Variants in CACNA1C observed in about 807,000 individuals in gnomAD.
CACNA1C encodes voltage-dependent L-type calcium channel subunit alpha-1C.
CACNA1C carries 30 observed loss-of-function variants against 229.0 expected under a neutral mutation model. The observed-to-expected ratio is 0.13, with a 90% CI of 0.10 to 0.18. The LOEUF is 0.18. Ranked by LOEUF, CACNA1C falls within the 10% of genes least tolerant of loss-of-function variation. The probability of loss-of-function intolerance (pLI) is 1.00; values close to 1 mark genes in which losing one functional copy is unlikely to be tolerated. For missense variants in CACNA1C, 1,658 were observed against 2,845.0 expected (o/e 0.58, Z 9.49); for synonymous variants, 1,114 against 1,132.5 (o/e 0.98, Z 0.33).
chr12:2,621,187 G>A (rs1163081035), intron 29 of CACNA1C, among the ~76,000 whole-genome samples: 1 of 152,214 alleles, frequency 6.6e-6, no homozygotes, highest in Non-Finnish European at 1.5e-5. Context: ...GGCTCACAGA[G>A]TAGTGCGGGA....
chr12:2,416,673 G>C (rs1343041259), intron 3 of CACNA1C, among the ~76,000 whole-genome samples: 5 of 152,214 alleles, frequency 3.3e-5, no homozygotes, highest in African/African-American at 1.2e-4. Flanking sequence ...GGTGACAATT[G>C]GGACTCCACC....
At chr12:2,581,542 G>T in intron 13 of CACNA1C, 48 bp from the exon 14 acceptor site, 1 of 1,496,888 alleles carries the variant, frequency 6.7e-7, no homozygotes, top group Non-Finnish European at 9.0e-7. Context: ...GCACGATGGG[G>T]AGGACAGCAA....
At chr12:2,610,084 C>T (rs1008173143) in intron 27 of CACNA1C, among the ~76,000 whole-genome samples, 3 of 152,162 alleles carry the variant, frequency 2.0e-5, no homozygotes, top group African/African-American at 7.2e-5. Context: ...AAGATCACAC[C>T]ACTGCACTCC....
intron 3 of CACNA1C, among the ~76,000 whole-genome samples, chr12:2,340,198 C>G: frequency 6.6e-6 from 1 of 152,172 alleles, no homozygotes; most frequent in East Asian, 1.9e-4. Context: ...TACATAATAA[C>G]ATATATATGT....
intron 3 of CACNA1C, among the ~76,000 whole-genome samples, chr12:2,334,329 GAA>G (rs2096631353): frequency 1.3e-5 from 2 of 152,196 alleles, no homozygotes; most frequent in African/African-American, 2.4e-5. Context: ...TGAGGAGAGA[GAA>G]AGCCAGGGAA....
At chr12:2,457,514 T>C (rs2099442140) in intron 4 of CACNA1C, 53 bp from the exon 5 acceptor site, 1 of 1,574,652 alleles carries the variant, frequency 6.4e-7, no homozygotes, top group Non-Finnish European at 8.6e-7. Context: ...GAGCCCCAGC[T>C]GGGCAAAAGA....
chr12:2,308,995 A>G (rs914378421), intron 3 of CACNA1C, among the ~76,000 whole-genome samples: 1 of 152,216 alleles, frequency 6.6e-6, no homozygotes, highest in Non-Finnish European at 1.5e-5. Flanking sequence ...TTCTGGGTGT[A>G]TATCTAAAGG....
chr12:2,511,773 C>T lies in CACNA1C; in HGVS notation c.1218-1039C>T, dbSNP rs753505720. 5.4e-4 allele frequency among the ~76,000 whole-genome samples: 82 copies of T among 151,932 alleles called. 1 individual carries two copies. Among genetic ancestry groups the T allele is most frequent in the Non-Finnish European group, 9.6e-4 (65 of 67,992 alleles). The stretch of plus-strand genomic sequence containing the variant: ...CTCCTCCTTGCTCAGAAAGTGAATT[C>T]GAAGTCAGAGAGAAAATTAGGACAG... On this transcript the variant is annotated intron_variant, in intron 8 of 46. Transcript: ENST00000399655.
At position 2,610,673 on chromosome 12, in the gene CACNA1C, C is replaced by T. The variant is rs766971426; in HGVS notation, c.3691C>T (p.Leu1231Phe). 4 of 1,614,262 alleles carry T rather than the reference C, an allele frequency of 2.5e-6. No individual in the cohort carries two copies. In the South Asian group the frequency reaches 4.4e-5, roughly 18 times the overall value. Residue 1231 changes from leucine (L) to phenylalanine (F), a missense_variant, in exon 28 of 47, where the codon CTC becomes TTC. Transcript: ENST00000399655. Reference sequence around the variant, plus strand: ...GTACCTGATGTTCGTCCTCATCCTGCTCAACACCATCTGCCTGGCCATGCA... The same window carrying T: ...GTACCTGATGTTCGTCCTCATCCTGTTCAACACCATCTGCCTGGCCATGCA... ...FEYLMFVLIL[L>F]NTICLAMQHY...
intron 9 of CACNA1C, among the ~76,000 whole-genome samples, chr12:2,522,582 G>A (rs992439564): frequency 1.3e-5 from 2 of 152,162 alleles, no homozygotes; most frequent in Non-Finnish European, 2.9e-5. Flanking sequence ...AGAGAAAGCC[G>A]GGAGTCGACA....
chr12:2,067,161 C>A lies in CACNA1C; in HGVS notation c.49+13550C>A, dbSNP rs150409912. On this transcript the variant is annotated intron_variant, in intron 1 of 46. Coordinates refer to ENST00000399655, the MANE Select transcript of CACNA1C (RefSeq NM_000719.7). This position sits in a 1 kb window ranked among gnomAD's most constrained non-coding sequence, Gnocchi z 5.3. ...CAAAGGGTTCTAGCTCTGTAGGAGG[C>A]GTGCCAAGCTCGAGCTGGTGTGGGA... Among the ~76,000 whole-genome samples the A allele has an allele frequency of 8.2e-3, 1,252 of 152,132 alleles. 13 individuals carry two copies. Among genetic ancestry groups the A allele is most frequent in the African/African-American group, 0.029 (1,197 of 41,486 alleles).
chr12:2,365,007 A>G (rs1368662115), intron 3 of CACNA1C, among the ~76,000 whole-genome samples: 3 of 152,258 alleles, frequency 2.0e-5, no homozygotes, highest in Non-Finnish European at 4.4e-5. Flanking sequence ...CCTACAGGCT[A>G]GAAACAGAAC....
chr12:2,314,176 T>G (rs1196835145), intron 3 of CACNA1C, among the ~76,000 whole-genome samples: 2 of 152,180 alleles, frequency 1.3e-5, no homozygotes, highest in African/African-American at 4.8e-5. Context: ...GCTTGCAGCC[T>G]TCTAGGCTGG....
chr12:2,025,610 G>C (rs1230070888), intron 1 of CACNA1C, among the ~76,000 whole-genome samples: 1 of 152,124 alleles, frequency 6.6e-6, no homozygotes, highest in Non-Finnish European at 1.5e-5. Flanking sequence ...CCAAAATGCT[G>C]TTCCATCTTC....
chr12:2,445,112 T>C (rs1076346), intron 3 of CACNA1C, among the ~76,000 whole-genome samples: 17,711 of 152,208 alleles, frequency 0.12, 1,178 homozygotes, highest in African/African-American at 0.15. Context: ...TCCCATCTTC[T>C]TAGTTCACTC....
At chr12:2,687,348 T>G (rs1345726232) in intron 45 of CACNA1C, among the ~76,000 whole-genome samples, 1 of 152,212 alleles carries the variant, frequency 6.6e-6, no homozygotes, top group Non-Finnish European at 1.5e-5. Context: ...TTTCTCCTCC[T>G]GTACTCTGTG....
rs1224939819 is a variant in CACNA1C, at chr12:2,108,381, G to T, written c.50-6843G>T. 1.3e-5 allele frequency among the ~76,000 whole-genome samples: 2 copies of T among 152,330 alleles called. No individual in the cohort carries two copies. Among genetic ancestry groups the T allele is most frequent in the East Asian group, 3.9e-4 (2 of 5,190 alleles). On this transcript the variant is annotated intron_variant, in intron 1 of 46. Coordinates refer to ENST00000399655, the MANE Select transcript of CACNA1C (RefSeq NM_000719.7). This position sits in a 1 kb window ranked among gnomAD's most constrained non-coding sequence, Gnocchi z 5.3. Reference sequence around the variant, plus strand: ...GGACCTGGAAGCCACTGTGCCAAGGGCTGGCTCTGGGATCACACCGCCTTA... The same window carrying T: ...GGACCTGGAAGCCACTGTGCCAAGGTCTGGCTCTGGGATCACACCGCCTTA...
intron 3 of CACNA1C, among the ~76,000 whole-genome samples, chr12:2,381,952 ACAAT>A (rs1448462148): frequency 6.6e-6 from 1 of 152,220 alleles, no homozygotes; most frequent in Non-Finnish European, 1.5e-5. Context: ...GGACAGCCCA[ACAAT>A]CAGAGGGCCC....
intron 14 of CACNA1C, among the ~76,000 whole-genome samples, 189 bp from the exon 15 acceptor site, chr12:2,582,633 G>C (rs1038341759): frequency 4.6e-5 from 7 of 152,214 alleles, no homozygotes; most frequent in African/African-American, 1.7e-4. Flanking sequence ...CCAATAGCCA[G>C]GCATTTTGTC....
Sources: gnomAD v4.1 joint callset for allele counts (sites outside exome capture counted in the v4.1 genomes callset) on GRCh38, gnomAD v4.1.1 for gene constraint, Gnocchi (gnomAD v3.1) non-coding constraint, MANE v1.5 for transcripts, NCBI Gene and HGNC (gene_info 2026-07-23, HGNC 2026-07-21) for gene names.